PPP4R3B: variants seen among roughly 807,000 people sequenced by gnomAD.
The protein encoded by PPP4R3B is serine/threonine-protein phosphatase 4 regulatory subunit 3B.
PPP4R3B carries 52 observed loss-of-function variants against 95.4 expected under a neutral mutation model. The ratio of observed to expected loss-of-function variants is 0.54; its 90% CI spans 0.44 to 0.69. The LOEUF (loss-of-function observed/expected upper bound fraction) is 0.69, where lower values mean the gene tolerates loss of function less well. Ranked by LOEUF, PPP4R3B falls within the 30% of genes least tolerant of loss-of-function variation. The pLI, the probability that PPP4R3B is intolerant of heterozygous loss-of-function variation, is 0.00. For synonymous variants in PPP4R3B, 407 were observed against 343.9 expected (o/e 1.18, Z -2.03); for missense variants, 1,003 against 1,005.9 (o/e 1.00, Z 0.04).
chr2:55,579,481 G>C (rs1467866010), intron 9 of PPP4R3B, among the ~76,000 whole-genome samples, 198 bp downstream of exon 9: 3 of 149,386 alleles, frequency 2.0e-5, no homozygotes, highest in Non-Finnish European at 4.5e-5. Flanking sequence ...GCCCCCGAAA[G>C]AATAGTCTTG....
chr2:55,604,118 G>C, intron 2 of PPP4R3B, 42 bp from the exon 3 acceptor site: 7 of 1,472,524 alleles, frequency 4.8e-6, no homozygotes, highest in Non-Finnish European at 5.6e-6. Context: ...CACTAGAAAA[G>C]AGGTATCTAC....
intron 11 of PPP4R3B, among the ~76,000 whole-genome samples, chr2:55,575,581 GAC>G (rs978583419): frequency 6.6e-6 from 1 of 152,058 alleles, no homozygotes; most frequent in Non-Finnish European, 1.5e-5. Context: ...TAGTAGCTGG[GAC>G]CACAGGGATA....
chr2:55,573,565 A>G lies in PPP4R3B; in HGVS notation c.1765+54T>C, dbSNP rs75896706. On this transcript the variant is annotated intron_variant, in intron 12 of 16. Transcript: ENST00000616407. ...GCTAATAAATAACTTCAAATGGGTA[A>G]CTTCAGTTTTATCTCTATTAAAAAT... The G allele has an allele frequency of 6.1e-3, 8,751 of 1,445,540 alleles. 200 individuals are homozygous for G. In the East Asian group the frequency reaches 0.069, roughly 11 times the overall value. The allele number at this position is 1,445,540 out of a possible 1,614,324, so 89.5% of individuals were successfully genotyped here. A position where few individuals can be genotyped will look rare whatever the true frequency, so the allele number is the denominator to read the frequency against.
Position 55,581,650 on chromosome 2 carries a change from C to T in PPP4R3B, c.1282G>A (p.Asp428Asn). Residue 428 changes from aspartate to asparagine, a missense_variant, in exon 8 of 17, where the codon GAT (aspartate) becomes AAT (asparagine). Physicochemically the swap from Asp to Asn is conservative, Grantham distance 23. Coordinates refer to ENST00000616407, the MANE Select transcript of PPP4R3B (RefSeq NM_001122964.3). Reference protein sequence around the residue: ...VVIEQMICDTDPELGGAVQLM... With the variant: ...VVIEQMICDTNPELGGAVQLM... Reference sequence around the variant, plus strand: ...TGAACAGCGCCTCCTAGCTCAGGATCAGTATCACAGATCATTTGTTCAATT... The same window carrying T: ...TGAACAGCGCCTCCTAGCTCAGGATTAGTATCACAGATCATTTGTTCAATT... The T allele has an allele frequency of 1.9e-6, 3 of 1,613,644 alleles. No homozygotes were observed. Among genetic ancestry groups the T allele is most frequent in the Non-Finnish European group, 2.5e-6 (3 of 1,179,816 alleles).
intron 3 of PPP4R3B, among the ~76,000 whole-genome samples, chr2:55,602,586 C>T (rs1692776346): frequency 6.6e-6 from 1 of 152,216 alleles, no homozygotes; most frequent in African/African-American, 2.4e-5. Flanking sequence ...CTTACATAAA[C>T]TCTAATCTCC....
At chr2:55,571,400 T>C (rs1031801533) in intron 12 of PPP4R3B, among the ~76,000 whole-genome samples, 1 of 151,978 alleles carries the variant, frequency 6.6e-6, no homozygotes, top group African/African-American at 2.4e-5. Flanking sequence ...ATGAGCCAAA[T>C]AGGAAAATCT....
At chr2:55,586,324 A>G (rs1469726230) in intron 6 of PPP4R3B, among the ~76,000 whole-genome samples, 2 of 152,164 alleles carry the variant, frequency 1.3e-5, no homozygotes, top group African/African-American at 4.8e-5. Flanking sequence ...TGATCTAAAA[A>G]CAAAAGATAT....
At chr2:55,590,823 T>A (rs1432279996) in intron 4 of PPP4R3B, among the ~76,000 whole-genome samples, 1 of 152,170 alleles carries the variant, frequency 6.6e-6, no homozygotes, top group Non-Finnish European at 1.5e-5. Context: ...ATGGTATCAA[T>A]CCCTTAAATC....
chr2:55,590,520 C>G (rs1379914719), intron 4 of PPP4R3B, among the ~76,000 whole-genome samples: 2 of 151,860 alleles, frequency 1.3e-5, no homozygotes, highest in East Asian at 3.9e-4. Context: ...TAATTTTCTA[C>G]AATAAGCACA....
At chr2:55,591,872 C>G (rs1691079925) in intron 4 of PPP4R3B, among the ~76,000 whole-genome samples, 3 of 152,140 alleles carry the variant, frequency 2.0e-5, no homozygotes, top group African/African-American at 7.2e-5. Context: ...TAACTTAAAG[C>G]CTATCATATA....
At chr2:55,561,385 G>C (rs1686598531) in intron 15 of PPP4R3B, among the ~76,000 whole-genome samples, 1 of 152,244 alleles carries the variant, frequency 6.6e-6, no homozygotes, top group Non-Finnish European at 1.5e-5. Flanking sequence ...AGGGAAATGT[G>C]AGGTTGGAGC....
chr2:55,595,690 T>C (rs1391698572), intron 4 of PPP4R3B, among the ~76,000 whole-genome samples: 3 of 151,754 alleles, frequency 2.0e-5, no homozygotes, highest in African/African-American at 7.3e-5. Context: ...TCATTTATCT[T>C]TTCTGGCATT....
Position 55,617,174 on chromosome 2 carries a change from T to C in PPP4R3B, c.112A>G (p.Met38Val). The change falls in exon 1 of 17, where the codon ATG becomes GTG. Residue 38 changes from methionine (M) to valine (V), a missense_variant. Coordinates refer to ENST00000616407, the MANE Select transcript of PPP4R3B (RefSeq NM_001122964.3). ...SSTYVEELKG[M>V]SLLVRAESDG... ...GACTCTGCCCGAACCAGCAGCGACA[T>C]CCCCTTGAGCTCCTCCACGTAAGTG... 2 of 1,613,216 alleles carry C rather than the reference T, an allele frequency of 1.2e-6. No homozygotes were observed. The highest frequency in any genetic ancestry group is 4.5e-5 in the East Asian group (2 of 44,826).
chr2:55,599,273 A>G (rs932260567), intron 3 of PPP4R3B, among the ~76,000 whole-genome samples: 3 of 152,058 alleles, frequency 2.0e-5, no homozygotes, highest in African/African-American at 7.2e-5. Flanking sequence ...CCCCAACTCC[A>G]CTAAAAATAC....
intron 4 of PPP4R3B, among the ~76,000 whole-genome samples, chr2:55,597,316 C>A (rs1019223699): frequency 2.6e-5 from 4 of 151,890 alleles, no homozygotes. Flanking sequence ...GAGAAACCCC[C>A]CTCTACTAAA....
rs754311988 is a variant in PPP4R3B, at chr2:55,598,784, G to A, written c.553C>T (p.Leu185=). ...LLQLFQACEN[L]ENTEGLHHLY... is the part of the protein sequence containing the mutation. The stretch of plus-strand genomic sequence containing the variant: ...TGGTGTAAGCCTTCAGTGTTTTCTA[G>A]GTTCTCGCAAGCTTGGAACAGCTGC... Residue 185 remains leucine, a synonymous_variant, in exon 4 of 17, where the codon CTA becomes TTA. Transcript: ENST00000616407. The A allele has an allele frequency of 6.2e-7, 1 of 1,614,170 alleles. No homozygotes were observed. Among genetic ancestry groups the A allele is most frequent in the African/African-American group, 1.3e-5 (1 of 75,038 alleles).
chr2:55,603,663 A>T (rs752794128), intron 3 of PPP4R3B, among the ~76,000 whole-genome samples: 3 of 152,204 alleles, frequency 2.0e-5, no homozygotes, highest in Non-Finnish European at 4.4e-5. Context: ...TTATGTTTTT[A>T]ATCTAAAAGC....
chr2:55,615,315 T>C (rs1694740067), intron 2 of PPP4R3B, 136 bp downstream of exon 2: 5 of 709,744 alleles, frequency 7.0e-6, no homozygotes, highest in Non-Finnish European at 1.2e-5. Flanking sequence ...ACTTTTAACC[T>C]GCAAGAGAAA....
chr2:55,602,096 T>C (rs1692701265), intron 3 of PPP4R3B, among the ~76,000 whole-genome samples: 2 of 152,150 alleles, frequency 1.3e-5, no homozygotes, highest in African/African-American at 4.8e-5. Context: ...TAAGGTACAA[T>C]CTGCAGATCA....
Sources: allele counts gnomAD v4.1 joint callset (sites outside exome capture counted in the v4.1 genomes callset), GRCh38; gene constraint gnomAD v4.1.1; transcripts MANE v1.5; gene names NCBI Gene and HGNC (gene_info 2026-07-23, HGNC 2026-07-21).